Variants in SKI observed in about 807,000 individuals in gnomAD.
SKI encodes SKI proto-oncogene, also known as ski oncogene.
In SKI, 23 loss-of-function variants were observed where a neutral mutation model predicts 59.3. That is an observed-to-expected ratio of 0.39 (90% CI 0.28 to 0.55). The LOEUF (loss-of-function observed/expected upper bound fraction) is 0.55, where lower values mean the gene tolerates loss of function less well. SKI is among the 20% of genes least tolerant of loss of function. SKI has a pLI of 0.67. For synonymous variants in SKI, 673 were observed against 488.6 expected (o/e 1.38, Z -4.98); for missense variants, 1,017 against 1,038.9 (o/e 0.98, Z 0.29).
rs1638552842 is a variant in SKI at position 2,228,521 on chromosome 1, G to A, written c.-246G>A. On this transcript the variant is annotated 5_prime_UTR_variant, in exon 1 of 7. Transcript: ENST00000378536. The stretch of plus-strand genomic sequence containing the variant: ...GGGCCCGGGCGGCGGCGGGCGCGGC[G>A]CGGGGCGCGTGGATGTGGCGCCGGG... 7.0e-6 allele frequency among the ~76,000 whole-genome samples: 1 copy of A among 142,262 alleles called. No individual in the cohort carries two copies. The highest frequency in any genetic ancestry group is 1.6e-5 in the Non-Finnish European group (1 of 64,456). The allele number at this position is 142,262 out of a possible 152,430, so 93.3% of individuals were successfully genotyped here. A position where few individuals can be genotyped will look rare whatever the true frequency, so the allele number is the denominator to read the frequency against.
chr1:2,241,866 T>C (rs1289147216), intron 1 of SKI, among the ~76,000 whole-genome samples: 1 of 152,254 alleles, frequency 6.6e-6, no homozygotes, highest in East Asian at 1.9e-4. Context: ...AGGTCCTTCC[T>C]GTCTCAGAAG....
At chr1:2,290,033 A>G (rs532573287) in intron 1 of SKI, among the ~76,000 whole-genome samples, 1 of 152,242 alleles carries the variant, frequency 6.6e-6, no homozygotes, top group South Asian at 2.1e-4. Context: ...TTTGTGCCCT[A>G]GCACAGAGAC....
At chr1:2,232,230 G>A (rs1246446027) in intron 1 of SKI, among the ~76,000 whole-genome samples, 1 of 152,266 alleles carries the variant, frequency 6.6e-6, no homozygotes, top group Middle Eastern at 3.2e-3. Flanking sequence ...GCAGAACAAA[G>A]AATGTACTGG....
At chr1:2,300,146 C>G (rs1336910893) in intron 1 of SKI, among the ~76,000 whole-genome samples, 1 of 152,228 alleles carries the variant, frequency 6.6e-6, no homozygotes, top group Non-Finnish European at 1.5e-5. Flanking sequence ...CGGGTGCCTG[C>G]TGGCCAGGTA....
chr1:2,294,539 A>C (rs1640242126), intron 1 of SKI, among the ~76,000 whole-genome samples: 1 of 152,146 alleles, frequency 6.6e-6, no homozygotes, highest in Non-Finnish European at 1.5e-5. Context: ...TGAGCCCGTT[A>C]GCTGTCTCGG....
rs556215628 is a variant in SKI at position 2,307,973 on chromosome 1, T to A, written c.*1208T>A. Reference sequence around the variant, plus strand: ...CTCGTGTCTTTTTACCCCCAAGATATCTGTCTTCAGTAGCGACTGAATCTG... The same window carrying A: ...CTCGTGTCTTTTTACCCCCAAGATAACTGTCTTCAGTAGCGACTGAATCTG... On this transcript the variant is annotated 3_prime_UTR_variant, in exon 7 of 7. Coordinates refer to ENST00000378536, the MANE Select transcript of SKI (RefSeq NM_003036.4). The A allele has an allele frequency of 1.3e-5, 2 of 152,510 alleles. No individual in the cohort carries two copies. The highest frequency in any genetic ancestry group is 2.4e-5 in the African/African-American group (1 of 41,458). 9.4% of individuals were successfully genotyped at this position (152,510 alleles called of 1,614,324 possible). A position where few individuals can be genotyped will look rare whatever the true frequency, so the allele number is the denominator to read the frequency against.
chr1:2,306,225 G>A lies in SKI; in HGVS notation c.1973G>A (p.Arg658His). The A allele has an allele frequency of 6.4e-7, 1 of 1,560,320 alleles. No individual in the cohort carries two copies. The highest frequency in any genetic ancestry group is 1.4e-5 in the African/African-American group (1 of 73,672). Residue 658 changes from arginine (R) to histidine (H), a missense_variant, in exon 6 of 7, where the codon CGC becomes CAC. Transcript: ENST00000378536. ...RVCDKGCEAGRLRAKYSAQIE... is the reference protein window; with the variant it reads ...RVCDKGCEAGHLRAKYSAQIE... ...TGCGACAAGGGCTGCGAGGCGGGCC[G>A]CCTGCGCGCCAAGTACTCGGCCCAG...
chr1:2,272,641 C>T (rs535525505), intron 1 of SKI, among the ~76,000 whole-genome samples: 9 of 152,324 alleles, frequency 5.9e-5, no homozygotes, highest in African/African-American at 2.2e-4. Context: ...CCAAGAACCC[C>T]TGAAATTAAA....
rs754124231 is a variant in SKI, at chr1:2,228,842, C to T, written c.76C>T (p.Leu26=). Residue 26 remains leucine, a synonymous_variant, in exon 1 of 7, where the codon CTG becomes TTG. Coordinates refer to ENST00000378536, the MANE Select transcript of SKI (RefSeq NM_003036.4). ...GLQKTLEQFH[L]SSMSSLGGPA... is the part of the protein sequence containing the mutation. ...GCAGAAGACGCTGGAGCAGTTCCAC[C>T]TGAGCTCCATGAGCTCGCTGGGCGG... The T allele has an allele frequency of 1.3e-5, 18 of 1,421,214 alleles. No homozygotes were observed. Among genetic ancestry groups the T allele is most frequent in the Non-Finnish European group, 1.5e-5 (16 of 1,082,714 alleles). 88.0% of individuals were successfully genotyped at this position (1,421,214 alleles called of 1,614,324 possible). A position where few individuals can be genotyped will look rare whatever the true frequency, so the allele number is the denominator to read the frequency against.
In SKI at chr1:2,229,650, A is replaced by G; in HGVS notation, c.884A>G (p.Glu295Gly). The change falls in exon 1 of 7, where the codon GAG becomes GGG. Residue 295 changes from glutamate (E) to glycine (G), a missense_variant. Coordinates refer to ENST00000378536, the MANE Select transcript of SKI (RefSeq NM_003036.4). This position sits in a 1 kb window ranked among gnomAD's most constrained non-coding sequence, Gnocchi z 6.3. ...CTGAGCCAGGATTACACGGGCAAGG[A>G]GGAGCAGGCGCGCCTCGGCCGCTGC... is the stretch of plus-strand genomic sequence containing the variant. ...ILLSQDYTGK[E>G]EQARLGRCLD... is the part of the protein sequence containing the mutation. 2 of 1,612,022 alleles carry G rather than the reference A, an allele frequency of 1.2e-6. No homozygotes were observed. The highest frequency in any genetic ancestry group is 1.7e-6 in the Non-Finnish European group (2 of 1,179,628).
chr1:2,291,666 T>C (rs1640165571), intron 1 of SKI, among the ~76,000 whole-genome samples: 2 of 114,920 alleles, frequency 1.7e-5, no homozygotes, highest in Non-Finnish European at 3.5e-5. Flanking sequence ...CCTGGATGGA[T>C]GGGTCTTTGT....
At chr1:2,295,874 T>C (rs1266061726) in intron 1 of SKI, among the ~76,000 whole-genome samples, 2 of 152,246 alleles carry the variant, frequency 1.3e-5, no homozygotes, top group Non-Finnish European at 2.9e-5. Flanking sequence ...GGCTGCACTT[T>C]GCTGCTGTGA....
At chr1:2,231,115 C>A (rs1373510215) in intron 1 of SKI, among the ~76,000 whole-genome samples, 1 of 152,102 alleles carries the variant, frequency 6.6e-6, no homozygotes, top group African/African-American at 2.4e-5. Context: ...CTTCGTGTCA[C>A]ACGGGGAGTT....
chr1:2,236,662 C>T (rs930460695), intron 1 of SKI, among the ~76,000 whole-genome samples: 7 of 152,200 alleles, frequency 4.6e-5, no homozygotes, highest in Non-Finnish European at 1.0e-4. Flanking sequence ...ACCTCGGCCT[C>T]CCAAAGTGTT....
Position 2,263,027 on chromosome 1 carries a change from G to A in SKI, c.969+33292G>A, listed in dbSNP as rs1156554349. Among the ~76,000 whole-genome samples, 4 of 151,750 alleles carry A rather than the reference G, an allele frequency of 2.6e-5. No individual in the cohort carries two copies. In the East Asian group the frequency reaches 5.9e-4, roughly 22 times the overall value. The stretch of plus-strand genomic sequence containing the variant: ...TGATTCTCCTGCCTCAGCCTCCTAA[G>A]TTGCTGGGATAACAGGTGTCCACCG... On this transcript the variant is annotated intron_variant, in intron 1 of 6. Transcript: ENST00000378536.
chr1:2,298,922 G>C (rs1447648946), intron 1 of SKI, among the ~76,000 whole-genome samples: 1 of 152,202 alleles, frequency 6.6e-6, no homozygotes, highest in Non-Finnish European at 1.5e-5. Context: ...GTCTTGCCCT[G>C]GGGGGTCCTG....
intron 1 of SKI, among the ~76,000 whole-genome samples, chr1:2,248,682 A>G (rs1287572381): frequency 1.3e-5 from 2 of 152,226 alleles, no homozygotes; most frequent in Non-Finnish European, 2.9e-5. Context: ...CCCACAGTGA[A>G]GTGAAAGTCA....
In SKI at chr1:2,306,758, A is replaced by AGCCGTAGATTCCGTGCCTGCC; in HGVS notation, c.2185_*18dup. Reference sequence around the variant, plus strand: ...GGCAGCGAGGGCGCTGCGGAGCTGGAGCCGTAGATTCCGTGCCTGCCGCCG... The same window carrying AGCCGTAGATTCCGTGCCTGCC: ...GGCAGCGAGGGCGCTGCGGAGCTGGAGCCGTAGATTCCGTGCCTGCCGCCGTAGATTCCGTGCCTGCCGCCG... On this transcript the variant is annotated stop_gained and inframe_insertion, in exon 7 of 7. Coordinates refer to ENST00000378536, the MANE Select transcript of SKI (RefSeq NM_003036.4). LOFTEE classifies it high-confidence loss of function. The AGCCGTAGATTCCGTGCCTGCC allele has an allele frequency of 6.6e-7, 1 of 1,516,998 alleles. No homozygotes were observed. Among genetic ancestry groups the AGCCGTAGATTCCGTGCCTGCC allele is most frequent in the Non-Finnish European group, 8.8e-7 (1 of 1,136,064 alleles). 94.0% of individuals were successfully genotyped at this position (1,516,998 alleles called of 1,614,324 possible). A position where few individuals can be genotyped will look rare whatever the true frequency, so the allele number is the denominator to read the frequency against.
rs889410657 is a variant in SKI at position 2,303,610 on chromosome 1, C to T, written c.1211+210C>T. 1.0e-4 allele frequency: 73 copies of T among 699,312 alleles called. No individual in the cohort carries two copies. Among genetic ancestry groups the T allele is most frequent in the South Asian group, 1.5e-4 (8 of 54,488 alleles). The allele number at this position is 699,312 out of a possible 1,614,324, so 43.3% of individuals were successfully genotyped here. ...TCTGGGTGGAGTCGTGGGTGGAGCC[C>T]TGTCTGCTGGGCGCAGCTTCTTGAT... is the stretch of plus-strand genomic sequence containing the variant. On this transcript the variant is annotated intron_variant, in intron 3 of 6. Coordinates refer to ENST00000378536, the MANE Select transcript of SKI (RefSeq NM_003036.4). This position sits in a 1 kb window ranked among gnomAD's most constrained non-coding sequence, Gnocchi z 5.6.
Sources: gnomAD v4.1 joint callset for allele counts (sites outside exome capture counted in the v4.1 genomes callset) on GRCh38, gnomAD v4.1.1 for gene constraint, Gnocchi (gnomAD v3.1) non-coding constraint, MANE v1.5 for transcripts, NCBI Gene and HGNC (gene_info 2026-07-23, HGNC 2026-07-21) for gene names.